The following DPYSL2 variants were observed in gnomAD, a reference collection of about 807,000 sequenced individuals.
DPYSL2 encodes dihydropyrimidinase-related protein 2.
Under a neutral mutation model 69.9 loss-of-function variants are expected in DPYSL2, and 13 were observed. The observed-to-expected ratio is 0.19, with a 90% confidence interval of 0.12 to 0.30. The LOEUF (loss-of-function observed/expected upper bound fraction) is 0.30. Among genes scored for constraint, DPYSL2 ranks in the 10% least tolerant of loss-of-function variants. DPYSL2 has a pLI of 1.00. For synonymous variants in DPYSL2, 326 were observed against 359.1 expected (o/e 0.91, Z 1.04); for missense variants, 587 against 918.9 (o/e 0.64, Z 4.67).
intron 1 of DPYSL2, among the ~76,000 whole-genome samples, chr8:26,521,831 A>G (rs1808390117): frequency 6.6e-6 from 1 of 152,132 alleles, no homozygotes; most frequent in Non-Finnish European, 1.5e-5. Flanking sequence ...TTCAAGGTTC[A>G]TCTATGTTGT....
At chr8:26,529,468 C>G (rs1010569475) in intron 1 of DPYSL2, among the ~76,000 whole-genome samples, 2 of 151,868 alleles carry the variant, frequency 1.3e-5, no homozygotes, top group Non-Finnish European at 2.9e-5. Context: ...AGGTGTGTAC[C>G]ACCACACCTG....
chr8:26,558,494 A>G (rs939069652), intron 1 of DPYSL2, among the ~76,000 whole-genome samples: 1 of 152,208 alleles, frequency 6.6e-6, no homozygotes, highest in South Asian at 2.1e-4. Context: ...AAACTCTTCT[A>G]CAAGATACTG....
At chr8:26,550,852 A>G (rs1800863769) in intron 1 of DPYSL2, among the ~76,000 whole-genome samples, 1 of 152,154 alleles carries the variant, frequency 6.6e-6, no homozygotes, top group Admixed American at 6.6e-5. Context: ...GCTGGTGGGG[A>G]GAGGGGGTCT....
At chr8:26,629,023 C>A (rs570305296) in intron 7 of DPYSL2, among the ~76,000 whole-genome samples, 1 of 152,210 alleles carries the variant, frequency 6.6e-6, no homozygotes, top group South Asian at 2.1e-4. Flanking sequence ...GGTTGGGATC[C>A]TTTCAGACTT....
chr8:26,610,583 C>G lies in DPYSL2; in HGVS notation c.629-13560C>G, dbSNP rs1013578912. Among the ~76,000 whole-genome samples the G allele has an allele frequency of 1.3e-5, 2 of 152,086 alleles. No homozygotes were observed. Among genetic ancestry groups the G allele is most frequent in the African/African-American group, 4.8e-5 (2 of 41,386 alleles). On this transcript the variant is annotated intron_variant, in intron 3 of 13. Coordinates refer to ENST00000521913, the MANE Select transcript of DPYSL2 (RefSeq NM_001197293.3). The surrounding 1 kb of genome is among the most constrained non-coding windows in gnomAD (Gnocchi z 4.5). ...ATGCCTGGGGCCCTCCACCCTCCTT[C>G]CCTCAATCACGCCTTTATCCAGTCC...
chr8:26,647,531 C>G lies in DPYSL2; in HGVS notation c.1426-99C>G. ...TTGGCACAACGCTCTTGACATCCAT[C>G]TAAGCTGTCGTGTGTATCAATAGTT... On this transcript the variant is annotated intron_variant, in intron 10 of 13. Transcript: ENST00000521913. This position sits in a 1 kb window ranked among gnomAD's most constrained non-coding sequence, Gnocchi z 5.1. 1 of 1,317,866 alleles carries G rather than the reference C, an allele frequency of 7.6e-7. No homozygotes were observed. Among genetic ancestry groups the G allele is most frequent in the Non-Finnish European group, 1.0e-6 (1 of 957,354 alleles). 81.6% of individuals were successfully genotyped at this position (1,317,866 alleles called of 1,614,324 possible).
At chr8:26,622,734 T>G (rs1198710580) in intron 3 of DPYSL2, among the ~76,000 whole-genome samples, 1 of 152,130 alleles carries the variant, frequency 6.6e-6, no homozygotes, top group Admixed American at 6.5e-5. Flanking sequence ...AACTCTTGAT[T>G]CATGTGATCT....
In DPYSL2 at chr8:26,573,294, G is replaced by C. The variant is rs1232967832; in HGVS notation, c.355-8675G>C. 5.3e-5 allele frequency among the ~76,000 whole-genome samples: 8 copies of C among 152,290 alleles called. No individual in the cohort carries two copies. The East Asian group carries it at 1.5e-3, about 29-fold the overall frequency. ...AATCCCAGAACTTTGGGAGGCCGAG[G>C]CAGGCAGATCCTGAGGTCAGGAGTT... On this transcript the variant is annotated intron_variant, in intron 1 of 13. Transcript: ENST00000521913.
intron 1 of DPYSL2, among the ~76,000 whole-genome samples, chr8:26,535,736 A>C (rs910913455): frequency 2.0e-5 from 3 of 151,964 alleles, no homozygotes; most frequent in Non-Finnish European, 4.4e-5. Flanking sequence ...GATATTGTTA[A>C]TTTGCTGACA....
Position 26,634,906 on chromosome 8 carries a change from T to C in DPYSL2, c.1126+6T>C. On this transcript the variant is annotated splice_donor_region_variant and intron_variant, in intron 8 of 13. Coordinates refer to ENST00000521913, the MANE Select transcript of DPYSL2 (RefSeq NM_001197293.3). ...CGCCCAGGCACGGAAGAAGGGTGAG[T>C]GCTGTGGCCGGACTGGCTGATGGCA... 1 of 1,613,870 alleles carries C rather than the reference T, an allele frequency of 6.2e-7. No homozygotes were observed. Among genetic ancestry groups the C allele is most frequent in the Non-Finnish European group, 8.5e-7 (1 of 1,179,940 alleles).
At chr8:26,563,784 G>A (rs1015576704) in intron 1 of DPYSL2, among the ~76,000 whole-genome samples, 2 of 152,196 alleles carry the variant, frequency 1.3e-5, no homozygotes, top group Non-Finnish European at 2.9e-5. Flanking sequence ...CAGAGGTGTT[G>A]TAGGTTTTTT....
chr8:26,561,508 C>T (rs1400998307), intron 1 of DPYSL2, among the ~76,000 whole-genome samples: 1 of 152,112 alleles, frequency 6.6e-6, no homozygotes, highest in Non-Finnish European at 1.5e-5. Context: ...CAATGGAAAC[C>T]ATCCCCCTAA....
At position 26,598,437 on chromosome 8, in the gene DPYSL2, C is replaced by T. The variant is rs1293292325; in HGVS notation, c.628+14454C>T. Among the ~76,000 whole-genome samples, 1 of 152,126 alleles carries T rather than the reference C, an allele frequency of 6.6e-6. No individual in the cohort carries two copies. The highest frequency in any genetic ancestry group is 1.5e-5 in the Non-Finnish European group (1 of 68,022). On this transcript the variant is annotated intron_variant, in intron 3 of 13. Transcript: ENST00000521913. This position sits in a 1 kb window ranked among gnomAD's most constrained non-coding sequence, Gnocchi z 4.2. ...GCTCTGTTTTTTAGAGAGTTCTTTTCCCTCCTGCTCTATGAAAACGTATTT... is the reference window on the plus strand; with the variant it reads ...GCTCTGTTTTTTAGAGAGTTCTTTTTCCTCCTGCTCTATGAAAACGTATTT...
rs1803091942 is a variant in DPYSL2 at position 26,643,241 on chromosome 8, G to C, written c.1127-198G>C. 2 of 512,216 alleles carry C rather than the reference G, an allele frequency of 3.9e-6. No individual in the cohort carries two copies. The highest frequency in any genetic ancestry group is 6.7e-6 in the Non-Finnish European group (2 of 299,748). 31.7% of individuals were successfully genotyped at this position (512,216 alleles called of 1,614,324 possible). ...GAGCAGGGGCTGAAGGTGGAATCTT[G>C]GGGAGCTCATGACAGGCTGGCAGAG... On this transcript the variant is annotated intron_variant, in intron 8 of 13. Coordinates refer to ENST00000521913, the MANE Select transcript of DPYSL2 (RefSeq NM_001197293.3). This position sits in a 1 kb window ranked among gnomAD's most constrained non-coding sequence, Gnocchi z 6.5.
Position 26,609,741 on chromosome 8 carries a change from G to A in DPYSL2, c.629-14402G>A, listed in dbSNP as rs887718016. On this transcript the variant is annotated intron_variant, in intron 3 of 13. Coordinates refer to ENST00000521913, the MANE Select transcript of DPYSL2 (RefSeq NM_001197293.3). This position sits in a 1 kb window ranked among gnomAD's most constrained non-coding sequence, Gnocchi z 6.5. ...GCAGGGACTGTTGACCCTGGCCCCT[G>A]TAGGAAGCACCTCTGGCTTGTCCCC... 6.6e-6 allele frequency among the ~76,000 whole-genome samples: 1 copy of A among 152,308 alleles called. No homozygotes were observed. The highest frequency in any genetic ancestry group is 3.4e-3 in the Middle Eastern group (1 of 294).
chr8:26,635,170 GCTGGACTTA>G (rs1282823533), intron 8 of DPYSL2, among the ~76,000 whole-genome samples: 3 of 152,370 alleles, frequency 2.0e-5, no homozygotes, highest in East Asian at 3.9e-4. Context: ...CCGTGCAAGA[GCTGGACTTA>G]CTTTGATGTG....
At chr8:26,645,885 G>A (rs1253484096) in intron 10 of DPYSL2, among the ~76,000 whole-genome samples, 3 of 149,038 alleles carry the variant, frequency 2.0e-5, no homozygotes, top group Non-Finnish European at 3.0e-5. Context: ...TTGGCTGGGG[G>A]AGACAGTTTC....
intron 1 of DPYSL2, among the ~76,000 whole-genome samples, chr8:26,579,924 CTT>C (rs67626321): frequency 0.077 from 8,809 of 113,672 alleles, 431 homozygotes; most frequent in African/African-American, 0.1. Context: ...ATCAACAAGA[CTT>C]TTTTTTTTTT....
chr8:26,539,282 C>T (rs1800642126), intron 1 of DPYSL2, among the ~76,000 whole-genome samples: 2 of 152,212 alleles, frequency 1.3e-5, no homozygotes, highest in Admixed American at 6.5e-5. Context: ...GTTCCCTCTC[C>T]CCCTGCCCAG....
Sources: allele counts gnomAD v4.1 joint callset (sites outside exome capture counted in the v4.1 genomes callset), GRCh38; gene constraint gnomAD v4.1.1; non-coding constraint Gnocchi (gnomAD v3.1); transcripts MANE v1.5; gene names NCBI Gene and HGNC (gene_info 2026-07-23, HGNC 2026-07-21).